The following AKAIN1 variants were observed in gnomAD, a reference collection of about 807,000 sequenced individuals.
AKAIN1 encodes A-kinase anchor protein inhibitor 1.
AKAIN1 carries 3 observed loss-of-function variants against 3.7 expected under a neutral mutation model. The observed-to-expected ratio is 0.82, with a 90% CI of 0.37 to 2.12. AKAIN1 has a LOEUF of 2.12. Ranked by LOEUF, AKAIN1 falls within the 30% of genes most tolerant of loss-of-function variation. The probability of loss-of-function intolerance (pLI) is 0.06; values close to 1 mark genes in which losing one functional copy is unlikely to be tolerated. For synonymous variants in AKAIN1, 31 were observed against 30.8 expected (o/e 1.01, Z -0.02); for missense variants, 82 against 82.7 (o/e 0.99, Z 0.03).
chr18:5,185,738 C>T lies in AKAIN1; in HGVS notation c.16+11300G>A, dbSNP rs533080507. On this transcript the variant is annotated intron_variant, in intron 1 of 1. Transcript: ENST00000434239. ...GAGAAAAGGGAATGCTCATACACTC[C>T]TGGTAGGAGTGTAAATTAGTTCAGC... 3.3e-5 allele frequency among the ~76,000 whole-genome samples: 5 copies of T among 152,192 alleles called. No homozygotes were observed. The South Asian group carries it at 1.0e-3, about 32-fold the overall frequency.
intron 1 of AKAIN1, among the ~76,000 whole-genome samples, chr18:5,161,699 T>C (rs531769191): frequency 1.1e-4 from 17 of 152,284 alleles, no homozygotes; most frequent in Admixed American, 3.9e-4. Flanking sequence ...AATTTCCTTT[T>C]TATTTCTTGC....
At chr18:5,177,730 C>T (rs1008739318) in intron 1 of AKAIN1, among the ~76,000 whole-genome samples, 2 of 152,052 alleles carry the variant, frequency 1.3e-5, no homozygotes, top group African/African-American at 2.4e-5. Context: ...AGTCGTATGA[C>T]AAAAATAGAA....
chr18:5,165,254 A>G (rs2071161317), intron 1 of AKAIN1, among the ~76,000 whole-genome samples: 1 of 152,018 alleles, frequency 6.6e-6, no homozygotes, highest in African/African-American at 2.4e-5. Context: ...GACTTTAATT[A>G]GTAGCTAATA....
intron 1 of AKAIN1, among the ~76,000 whole-genome samples, chr18:5,186,729 T>C (rs1044206694): frequency 6.6e-6 from 1 of 151,918 alleles, no homozygotes; most frequent in Non-Finnish European, 1.5e-5. Flanking sequence ...CCTGAAAGAG[T>C]AAAATATACA....
In AKAIN1 at chr18:5,168,877, AAAG is replaced by A. The variant is rs1235422015; in HGVS notation, c.17-23125_17-23123del. ...GAGGCAATTCATTAAAAAAAAAAAA[AAAG>A]CAAACAAACAAAAACAACAACAAAA... is the stretch of plus-strand genomic sequence containing the variant. On this transcript the variant is annotated intron_variant, in intron 1 of 1. Coordinates refer to ENST00000434239, the MANE Select transcript of AKAIN1 (RefSeq NM_001145194.2). Among the ~76,000 whole-genome samples the A allele has an allele frequency of 1.2e-3, 173 of 142,126 alleles. 1 individual carries two copies. Among genetic ancestry groups the A allele is most frequent in the African/African-American group, 5.0e-3 (161 of 32,372 alleles). The allele number at this position is 142,126 out of a possible 152,430, so 93.2% of individuals were successfully genotyped here. A position where few individuals can be genotyped will look rare whatever the true frequency, so the allele number is the denominator to read the frequency against.
upstream of AKAIN1, chr18:5,197,398 AAGAG>A: frequency 7.9e-7 from 1 of 1,263,408 alleles, no homozygotes; most frequent in Non-Finnish European, 9.9e-7. This position sits in a 1 kb window ranked among gnomAD's most constrained non-coding sequence, Gnocchi z 6.9. Context: ...TCGGAAGAGC[AAGAG>A]AGAGAAAGGT....
At chr18:5,151,346 G>A (rs1445853640) in intron 1 of AKAIN1, among the ~76,000 whole-genome samples, 1 of 151,690 alleles carries the variant, frequency 6.6e-6, no homozygotes, top group Non-Finnish European at 1.5e-5. Context: ...TTTCCCTGAA[G>A]GACCAGATGT....
chr18:5,176,111 G>A (rs1307744817), intron 1 of AKAIN1, among the ~76,000 whole-genome samples: 1 of 152,056 alleles, frequency 6.6e-6, no homozygotes, highest in African/African-American at 2.4e-5. Context: ...GAGAACCACT[G>A]CCCTAGACAG....
At chr18:5,184,031 A>C (rs1165271541) in intron 1 of AKAIN1, among the ~76,000 whole-genome samples, 1 of 152,076 alleles carries the variant, frequency 6.6e-6, no homozygotes, top group East Asian at 1.9e-4. Flanking sequence ...AACAAAAAAC[A>C]CCAAAATATG....
chr18:5,156,940 A>G (rs1245776274), intron 1 of AKAIN1, among the ~76,000 whole-genome samples: 2 of 152,198 alleles, frequency 1.3e-5, no homozygotes, highest in East Asian at 3.8e-4. Context: ...GCTATCCTCA[A>G]TTTCTGGCCT....
At chr18:5,165,968 G>A (rs2071165728) in intron 1 of AKAIN1, among the ~76,000 whole-genome samples, 1 of 152,004 alleles carries the variant, frequency 6.6e-6, no homozygotes, top group Admixed American at 6.6e-5. Context: ...CACTTGTCAT[G>A]TCTGGGTTCA....
At chr18:5,182,445 T>C (rs1270531974) in intron 1 of AKAIN1, among the ~76,000 whole-genome samples, 1 of 152,134 alleles carries the variant, frequency 6.6e-6, no homozygotes, top group Non-Finnish European at 1.5e-5. Flanking sequence ...TATTATGATA[T>C]TCATTTTTCA....
chr18:5,192,448 T>TC (rs56244210), intron 1 of AKAIN1, among the ~76,000 whole-genome samples: 20 of 135,252 alleles, frequency 1.5e-4, no homozygotes, highest in African/African-American at 1.6e-4. Flanking sequence ...TTTCTTTCTT[T>TC]TTCTTTTCTT....
intron 1 of AKAIN1, among the ~76,000 whole-genome samples, chr18:5,171,456 T>A (rs966333410): frequency 2.0e-5 from 3 of 152,018 alleles, no homozygotes; most frequent in Admixed American, 2.0e-4. Context: ...AATGGATTAA[T>A]ACCAAAATAT....
intron 1 of AKAIN1, among the ~76,000 whole-genome samples, chr18:5,166,603 C>T (rs1320459435): frequency 6.6e-6 from 1 of 152,012 alleles, no homozygotes; most frequent in Non-Finnish European, 1.5e-5. Flanking sequence ...CAGAAGAAAA[C>T]AAAGTTTGTT....
chr18:5,192,902 CAT>C (rs754296430), intron 1 of AKAIN1, among the ~76,000 whole-genome samples: 1 of 152,070 alleles, frequency 6.6e-6, no homozygotes, highest in Non-Finnish European at 1.5e-5. Context: ...TGTTGAAACT[CAT>C]ATAACTCTAT....
At chr18:5,187,021 T>C (rs1408552846) in intron 1 of AKAIN1, among the ~76,000 whole-genome samples, 2 of 152,180 alleles carry the variant, frequency 1.3e-5, no homozygotes, top group Non-Finnish European at 2.9e-5. Flanking sequence ...ATCAAAATTT[T>C]TAGAATACTC....
chr18:5,166,487 C>T (rs2071168683), intron 1 of AKAIN1, among the ~76,000 whole-genome samples: 2 of 151,990 alleles, frequency 1.3e-5, no homozygotes, highest in African/African-American at 4.8e-5. Context: ...GAACAAGGCC[C>T]TGTTTTGTGT....
chr18:5,196,079 C>G (rs2071345861), intron 1 of AKAIN1, among the ~76,000 whole-genome samples: 2 of 152,224 alleles, frequency 1.3e-5, no homozygotes, highest in Non-Finnish European at 2.9e-5. Context: ...CCCATGACCA[C>G]AGCAAATACA....
Sources: gnomAD v4.1 joint callset for allele counts (sites outside exome capture counted in the v4.1 genomes callset) on GRCh38, gnomAD v4.1.1 for gene constraint, Gnocchi (gnomAD v3.1) non-coding constraint, MANE v1.5 for transcripts, NCBI Gene and HGNC (gene_info 2026-07-23, HGNC 2026-07-21) for gene names.